Variants in DCDC1 observed in about 807,000 individuals in gnomAD.
The protein encoded by DCDC1 is doublecortin domain containing 1.
A neutral mutation model predicts 178.3 loss-of-function variants in DCDC1; 200 were observed. The observed-to-expected ratio is 1.12, with a 90% CI of 1.00 to 1.26. DCDC1 has a LOEUF of 1.26. Ranked by LOEUF, DCDC1 falls within the 50% of genes most tolerant of loss-of-function variation. The pLI, the probability that DCDC1 is intolerant of heterozygous loss-of-function variation, is 0.00. For synonymous variants in DCDC1, 690 were observed against 604.8 expected, an observed-to-expected ratio of 1.14 and a Z score of -2.07; for missense variants, 1,983 against 1,749.2, an observed-to-expected ratio of 1.13 and a Z score of -2.38.
rs572486736 is a variant in DCDC1 at position 31,166,697 on chromosome 11, T to C, written c.1222-28913A>G. Among the ~76,000 whole-genome samples the C allele has an allele frequency of 3.0e-3, 462 of 152,268 alleles. 2 individuals are homozygous for C. The highest frequency in any genetic ancestry group is 6.2e-3 in the South Asian group (30 of 4,816). On this transcript the variant is annotated intron_variant, in intron 9 of 38. Transcript: ENST00000684477. ...GAGAAAGATAAAAAGCAGAATAGTA[T>C]TTGTCTGTGTGACTTTCTCACTAAC... is the stretch of plus-strand genomic sequence containing the variant.
intron 11 of DCDC1, among the ~76,000 whole-genome samples, chr11:31,124,511 T>A (rs1005581449): frequency 1.3e-5 from 2 of 152,124 alleles, no homozygotes; most frequent in African/African-American, 2.4e-5. Flanking sequence ...GCTGGAGGCA[T>A]CATGCTACCT....
At chr11:30,973,111 A>T (rs1054836151) in intron 20 of DCDC1, among the ~76,000 whole-genome samples, 4 of 151,832 alleles carry the variant, frequency 2.6e-5, no homozygotes, top group Non-Finnish European at 5.9e-5. Flanking sequence ...ATCTCTACTA[A>T]AAATACAAAA....
intron 8 of DCDC1, among the ~76,000 whole-genome samples, chr11:31,250,414 A>ACC (rs1943909858): frequency 8.2e-6 from 1 of 122,092 alleles, no homozygotes. Context: ...ACACACACAC[A>ACC]CATATACATA....
chr11:30,885,388 A>G (rs1943072666), intron 36 of DCDC1, among the ~76,000 whole-genome samples: 1 of 152,048 alleles, frequency 6.6e-6, no homozygotes, highest in Non-Finnish European at 1.5e-5. Flanking sequence ...ATTACTTTCT[A>G]TACATTAAAA....
rs548973357 is a variant in DCDC1, at chr11:30,924,654, G to A, written c.2997+655C>T. Among the ~76,000 whole-genome samples, 5 of 152,122 alleles carry A rather than the reference G, an allele frequency of 3.3e-5. No homozygotes were observed. The South Asian group carries it at 1.0e-3, about 32-fold the overall frequency. ...ACCATTAAACAACTACATTTTGAAG[G>A]TCTCAAAAAGAGTAGAGAATTTACC... On this transcript the variant is annotated intron_variant, in intron 23 of 38. Transcript: ENST00000684477.
intron 20 of DCDC1, among the ~76,000 whole-genome samples, chr11:31,028,588 T>C (rs61878168): frequency 0.34 from 51,713 of 151,700 alleles, 9,191 homozygotes; most frequent in Middle Eastern, 0.38. Context: ...AGAGAAAACA[T>C]AACAAAGACC....
At chr11:31,089,775 T>C (rs1161913599) in intron 17 of DCDC1, among the ~76,000 whole-genome samples, 1 of 152,192 alleles carries the variant, frequency 6.6e-6, no homozygotes, top group Non-Finnish European at 1.5e-5. Context: ...CTCTTGAAAT[T>C]TGAGTTCTTT....
At chr11:31,078,962 A>G (rs1315311102) in intron 17 of DCDC1, among the ~76,000 whole-genome samples, 2 of 152,156 alleles carry the variant, frequency 1.3e-5, no homozygotes, top group African/African-American at 4.8e-5. Flanking sequence ...TGAAAAATCA[A>G]ATGTTTAAAC....
rs772381186 is a variant in DCDC1, at chr11:30,916,937, C to A, written c.3385G>T (p.Asp1129Tyr). 1.9e-6 allele frequency: 3 copies of A among 1,610,926 alleles called. No individual in the cohort carries two copies. The highest frequency in any genetic ancestry group is 2.5e-6 in the Non-Finnish European group (3 of 1,178,570). Residue 1129 changes from aspartate (D) to tyrosine (Y), a missense_variant, in exon 26 of 39, where the codon GAT becomes TAT. By Grantham distance (160) the Asp-to-Tyr change is radical. Coordinates refer to ENST00000684477, the MANE Select transcript of DCDC1 (RefSeq NM_001387274.1). ...TCCGTTTTCTTTGGAAGACTGTCAT[C>A]CTCATCAAAGTCATGTGAAGTTTCC... The part of the protein sequence containing the change: ...WQETSHDFDE[D>Y]DSLPKKTEKG...
chr11:31,015,878 C>T (rs1952458440), intron 20 of DCDC1, among the ~76,000 whole-genome samples: 1 of 152,196 alleles, frequency 6.6e-6, no homozygotes, highest in South Asian at 2.1e-4. Context: ...AGGAAGCCCA[C>T]ACAGGTCCTA....
chr11:31,286,680 C>A (rs1003581289), intron 7 of DCDC1, among the ~76,000 whole-genome samples: 13 of 151,740 alleles, frequency 8.6e-5, no homozygotes, highest in African/African-American at 2.9e-4. Context: ...ATTGCAGTAC[C>A]CCAAAAAGGC....
At chr11:31,135,500 G>C (rs1249815609) in intron 10 of DCDC1, among the ~76,000 whole-genome samples, 1 of 151,890 alleles carries the variant, frequency 6.6e-6, no homozygotes, top group Non-Finnish European at 1.5e-5. Context: ...TTTCTAAAAA[G>C]AGTCTTTTAG....
intron 9 of DCDC1, among the ~76,000 whole-genome samples, chr11:31,198,542 C>T (rs1360388726): frequency 2.0e-5 from 3 of 151,938 alleles, no homozygotes; most frequent in African/African-American, 7.2e-5. Flanking sequence ...GGGAGCTAAA[C>T]CTCTGCCACT....
intron 20 of DCDC1, among the ~76,000 whole-genome samples, chr11:31,054,850 G>C (rs1955484332): frequency 6.6e-6 from 1 of 152,054 alleles, no homozygotes; most frequent in African/African-American, 2.4e-5. Context: ...ATGGACTAAA[G>C]ACTTAAATCT....
At chr11:31,106,124 G>A (rs1185852594) in intron 13 of DCDC1, among the ~76,000 whole-genome samples, 1 of 152,114 alleles carries the variant, frequency 6.6e-6, no homozygotes, top group African/African-American at 2.4e-5. Context: ...CAGAAACACA[G>A]ATAATTTTAT....
intron 20 of DCDC1, among the ~76,000 whole-genome samples, chr11:31,033,925 A>T (rs1273563904): frequency 6.6e-6 from 1 of 152,156 alleles, no homozygotes; most frequent in Non-Finnish European, 1.5e-5. Context: ...CAGGCAGATC[A>T]CCTGAGGCCA....
chr11:31,013,544 A>G (rs1301128156), intron 20 of DCDC1, among the ~76,000 whole-genome samples: 1 of 152,198 alleles, frequency 6.6e-6, no homozygotes, highest in East Asian at 1.9e-4. Flanking sequence ...TAATTACTTT[A>G]CCATAAAAAA....
intron 9 of DCDC1, among the ~76,000 whole-genome samples, chr11:31,162,137 G>T (rs1249704117): frequency 6.6e-6 from 1 of 152,122 alleles, no homozygotes; most frequent in Admixed American, 6.5e-5. Flanking sequence ...AGTAAGTAAA[G>T]AAACTATGCA....
rs183691605 is a variant in DCDC1 at position 30,994,481 on chromosome 11, G to T, written c.2592-41913C>A. ...TAACTTTTGTATTTTTAGCAGAGAT[G>T]GAGTTTCACCATGTTGCCCAGGCTG... On this transcript the variant is annotated intron_variant, in intron 20 of 38. Coordinates refer to ENST00000684477, the MANE Select transcript of DCDC1 (RefSeq NM_001387274.1). Among the ~76,000 whole-genome samples the T allele has an allele frequency of 6.0e-5, 9 of 150,626 alleles. No individual in the cohort carries two copies. The Admixed American group carries it at 6.0e-4, about 10-fold the overall frequency.
Sources: gnomAD v4.1 joint callset for allele counts (sites outside exome capture counted in the v4.1 genomes callset) on GRCh38, gnomAD v4.1.1 for gene constraint, MANE v1.5 for transcripts, NCBI Gene and HGNC (gene_info 2026-07-23, HGNC 2026-07-21) for gene names.